Variants in KCTD16 observed in about 807,000 individuals in gnomAD.
KCTD16 encodes the protein potassium channel tetramerization domain containing 16, also known as BTB/POZ domain-containing protein KCTD16.
A neutral mutation model predicts 33.2 loss-of-function variants in KCTD16; 13 were observed. The ratio of observed to expected loss-of-function variants is 0.39; its 90% confidence interval spans 0.25 to 0.62. KCTD16 has a LOEUF of 0.62. Among genes scored for constraint, KCTD16 ranks in the 20% least tolerant of loss-of-function variants. The pLI is 0.50. For synonymous variants in KCTD16, 197 were observed against 195.3 expected (o/e 1.01, Z -0.07); for missense variants, 441 against 525.1 (o/e 0.84, Z 1.57).
intron 3 of KCTD16, among the ~76,000 whole-genome samples, chr5:144,461,835 T>C (rs1281620347): frequency 6.6e-6 from 1 of 152,218 alleles, no homozygotes; most frequent in Non-Finnish European, 1.5e-5. Flanking sequence ...ATTTTGAATG[T>C]CTCATACAAT....
chr5:144,460,763 T>TC, intron 3 of KCTD16, among the ~76,000 whole-genome samples: 1 of 152,280 alleles, frequency 6.6e-6, no homozygotes, highest in Middle Eastern at 3.4e-3. Context: ...GAATGTAAAA[T>TC]CCCTGTGGCC....
chr5:144,314,524 G>A (rs2126879895), intron 3 of KCTD16, among the ~76,000 whole-genome samples: 1 of 152,242 alleles, frequency 6.6e-6, no homozygotes, highest in African/African-American at 2.4e-5. Flanking sequence ...GCTGAAGGCT[G>A]GCTCACAAAC....
chr5:144,455,911 T>C (rs1754050796), intron 3 of KCTD16, among the ~76,000 whole-genome samples: 1 of 152,196 alleles, frequency 6.6e-6, no homozygotes, highest in Non-Finnish European at 1.5e-5. Flanking sequence ...CTGTGCCCAG[T>C]ATTTGAAATG....
intron 3 of KCTD16, among the ~76,000 whole-genome samples, chr5:144,218,412 A>G (rs1003622254): frequency 3.2e-4 from 49 of 152,198 alleles, no homozygotes; most frequent in African/African-American, 1.1e-3. Context: ...TGGAGTAATA[A>G]AAGTTATATC....
intron 3 of KCTD16, among the ~76,000 whole-genome samples, chr5:144,355,647 C>G (rs1751553535): frequency 6.6e-6 from 1 of 152,134 alleles, no homozygotes; most frequent in Non-Finnish European, 1.5e-5. Flanking sequence ...CTTATCATTT[C>G]TTTTTCTTTT....
In KCTD16 at chr5:144,178,554, TG is replaced by T. The variant is rs537060303; in HGVS notation, c.-327+4083del. On this transcript the variant is annotated intron_variant, in intron 2 of 3. Transcript: ENST00000512467. ...TTGATTTTAGGTGAAGCAGTCAAGA[TG>T]TTTTTTATTATTCTTCTGCAGTCCT... Among the ~76,000 whole-genome samples, 548 of 152,328 alleles carry T rather than the reference TG, an allele frequency of 3.6e-3. 2 individuals carry two copies. Among genetic ancestry groups the T allele is most frequent in the African/African-American group, 0.013 (530 of 41,578 alleles).
chr5:144,360,213 G>A (rs1436211765), intron 3 of KCTD16, among the ~76,000 whole-genome samples: 1 of 151,856 alleles, frequency 6.6e-6, no homozygotes, highest in African/African-American at 2.4e-5. Context: ...ATCTACATTA[G>A]GTATTTTGGT....
chr5:144,187,702 G>T (rs140470016), intron 2 of KCTD16, among the ~76,000 whole-genome samples: 143 of 152,190 alleles, frequency 9.4e-4, no homozygotes, highest in African/African-American at 3.3e-3. Context: ...GGATTTCTTT[G>T]TGTACCCCAG....
intron 3 of KCTD16, among the ~76,000 whole-genome samples, chr5:144,424,511 G>T (rs1753280063): frequency 6.6e-6 from 1 of 152,120 alleles, no homozygotes; most frequent in African/African-American, 2.4e-5. Flanking sequence ...ACTGGCTATT[G>T]CTCACCTCTG....
In KCTD16 at chr5:144,482,323, T is replaced by G. The variant is rs2127008191; in HGVS notation, c.*8209T>G. ...AAAAATTTTCAAGGGGGCAATAATG[T>G]TGTAGAACAAGTATCTGGTGAGTAC... On this transcript the variant is annotated 3_prime_UTR_variant, in exon 4 of 4. Coordinates refer to ENST00000512467, the MANE Select transcript of KCTD16 (RefSeq NM_020768.4). 1 of 152,008 alleles carries G rather than the reference T, an allele frequency of 6.6e-6. No individual in the cohort carries two copies. The highest frequency in any genetic ancestry group is 1.9e-4 in the East Asian group (1 of 5,144). The allele number at this position is 152,008 out of a possible 1,614,324, so 9.4% of individuals were successfully genotyped here.
At chr5:144,265,942 A>G (rs1296070813) in intron 3 of KCTD16, among the ~76,000 whole-genome samples, 1 of 152,202 alleles carries the variant, frequency 6.6e-6, no homozygotes, top group Non-Finnish European at 1.5e-5. Context: ...TATGGCCTCA[A>G]AAAGGGTATT....
chr5:144,435,823 CTGTGTG>C (rs138524677), intron 3 of KCTD16, among the ~76,000 whole-genome samples: 1 of 143,478 alleles, frequency 7.0e-6, no homozygotes, highest in Non-Finnish European at 1.5e-5. Context: ...GTGCGCTTTC[CTGTGTG>C]TGTGTGTGTG....
intron 2 of KCTD16, among the ~76,000 whole-genome samples, chr5:144,203,695 T>C (rs1753095402): frequency 6.6e-6 from 1 of 152,220 alleles, no homozygotes; most frequent in Non-Finnish European, 1.5e-5. Flanking sequence ...ACCTACTCTC[T>C]TAGAAATAAA....
At chr5:144,284,882 A>C (rs1755702271) in intron 3 of KCTD16, among the ~76,000 whole-genome samples, 1 of 152,190 alleles carries the variant, frequency 6.6e-6, no homozygotes, top group Admixed American at 6.5e-5. Context: ...CTCACCATAA[A>C]CTGGTTTCCT....
intron 3 of KCTD16, among the ~76,000 whole-genome samples, chr5:144,224,810 A>G (rs1753878244): frequency 6.6e-6 from 1 of 152,166 alleles, no homozygotes; most frequent in Non-Finnish European, 1.5e-5. Flanking sequence ...ACTGAATGCT[A>G]TGTCCTGTGT....
rs182379400 is a variant in KCTD16 at position 144,421,677 on chromosome 5, C to T, written c.833-51983C>T. ...TGTTGCACAGACGTTACAATTACTC[C>T]AGCAATACTAGGATTGGCAGCTTTC... On this transcript the variant is annotated intron_variant, in intron 3 of 3. Coordinates refer to ENST00000512467, the MANE Select transcript of KCTD16 (RefSeq NM_020768.4). Among the ~76,000 whole-genome samples, 9 of 152,220 alleles carry T rather than the reference C, an allele frequency of 5.9e-5. 1 individual carries two copies. Among genetic ancestry groups the T allele is most frequent in the Admixed American group, 1.3e-4 (2 of 15,270 alleles).
intron 3 of KCTD16, among the ~76,000 whole-genome samples, chr5:144,322,031 G>A (rs975365837): frequency 2.0e-5 from 3 of 152,142 alleles, no homozygotes; most frequent in African/African-American, 7.2e-5. Flanking sequence ...TGCTAATACA[G>A]ATGGAGAAAG....
chr5:144,272,107 G>T (rs139725435), intron 3 of KCTD16, among the ~76,000 whole-genome samples: 1 of 152,134 alleles, frequency 6.6e-6, no homozygotes, highest in Non-Finnish European at 1.5e-5. Flanking sequence ...TAGATTGAAT[G>T]CAATGACTAT....
chr5:144,403,307 A>C (rs1027304225), intron 3 of KCTD16, among the ~76,000 whole-genome samples: 3 of 152,210 alleles, frequency 2.0e-5, no homozygotes, highest in African/African-American at 7.2e-5. Flanking sequence ...GATGTAATAA[A>C]GTTAAAATGA....
Sources: gnomAD v4.1 joint callset for allele counts (sites outside exome capture counted in the v4.1 genomes callset) on GRCh38, gnomAD v4.1.1 for gene constraint, MANE v1.5 for transcripts, NCBI Gene and HGNC (gene_info 2026-07-23, HGNC 2026-07-21) for gene names.